The following POLQ variants were observed in gnomAD, a reference collection of about 807,000 sequenced individuals.
The protein encoded by POLQ is DNA polymerase theta, also known as epididymis secretory sperm binding protein.
Under a neutral mutation model 259.2 loss-of-function variants are expected in POLQ, and 233 were observed. The ratio of observed to expected loss-of-function variants is 0.90; its 90% CI spans 0.81 to 1.00. POLQ has a LOEUF of 1.00. Ranked by LOEUF, POLQ falls within the 50% of genes least tolerant of loss-of-function variation. The pLI is 0.00. For missense variants in POLQ, 2,871 were observed against 3,051.6 expected, an observed-to-expected ratio of 0.94 and a Z score of 1.39; for synonymous variants, 1,025 against 1,048.8, an observed-to-expected ratio of 0.98 and a Z score of 0.44.
chr3:121,504,440 G>C (rs990724458), intron 12 of POLQ, among the ~76,000 whole-genome samples: 1 of 152,068 alleles, frequency 6.6e-6, no homozygotes, highest in Non-Finnish European at 1.5e-5. Flanking sequence ...CAAGTGGCTT[G>C]ACTGGTGAAA....
chr3:121,480,471 G>T (rs1318443136), intron 19 of POLQ, among the ~76,000 whole-genome samples: 3 of 151,846 alleles, frequency 2.0e-5, no homozygotes. Context: ...TGTAAAAAAT[G>T]CATTTAATAC....
intron 26 of POLQ, among the ~76,000 whole-genome samples, chr3:121,446,776 T>C (rs1414770247): frequency 6.6e-6 from 1 of 152,234 alleles, no homozygotes; most frequent in African/African-American, 2.4e-5. Flanking sequence ...TCTTGATCTT[T>C]TTTGGTTTCC....
chr3:121,486,179 C>G (rs973957827), intron 16 of POLQ, among the ~76,000 whole-genome samples: 4 of 152,182 alleles, frequency 2.6e-5, no homozygotes, highest in African/African-American at 9.7e-5. Flanking sequence ...CTAATGTACA[C>G]TGTGAAGAAC....
chr3:121,460,072 T>A lies in POLQ; in HGVS notation c.7130A>T (p.Asp2377Val). The A allele has an allele frequency of 1.9e-6, 3 of 1,614,000 alleles. No individual in the cohort carries two copies. The highest frequency in any genetic ancestry group is 1.7e-6 in the Non-Finnish European group (2 of 1,179,868). ...CACCTGTTTTGCCTGCTGCCTCAGA[T>A]CATCCCCAACAGACTCTGGCTCAAT... The part of the protein sequence containing the change: ...KMIEPESVGD[D>V]LRQQAKQICY... Residue 2377 changes from aspartate (D) to valine (V), a missense_variant, in exon 25 of 30, where the codon GAT (aspartate) becomes GTT (valine). Asp to Val is a radical substitution (Grantham distance 152, BLOSUM62 -3). Around this residue, in one of 3 missense-constraint regions of POLQ, gnomAD observed 2,080 missense variants for 2,126.0 expected, o/e 0.98. Transcript: ENST00000264233.
chr3:121,453,702 C>A (rs11715085), intron 25 of POLQ, among the ~76,000 whole-genome samples: 105,027 of 151,920 alleles, frequency 0.69, 36,488 homozygotes, highest in East Asian at 0.89. Context: ...AAAGAAACGA[C>A]CAAAGCCTCC....
At chr3:121,502,027 G>GCT (rs1285829383) in intron 12 of POLQ, among the ~76,000 whole-genome samples, 1 of 147,630 alleles carries the variant, frequency 6.8e-6, no homozygotes, top group Non-Finnish European at 1.5e-5. Context: ...ACTAAAGAAA[G>GCT]CTCTTCAGGT....
chr3:121,512,338 T>C (rs914709984), intron 9 of POLQ, among the ~76,000 whole-genome samples: 3 of 152,202 alleles, frequency 2.0e-5, no homozygotes, highest in Admixed American at 1.3e-4. Context: ...CCCTTTGTGA[T>C]GATGTTTTCC....
At chr3:121,512,478 C>T (rs1006268953) in intron 9 of POLQ, among the ~76,000 whole-genome samples, 2 of 152,122 alleles carry the variant, frequency 1.3e-5, no homozygotes, top group Non-Finnish European at 2.9e-5. Flanking sequence ...ATATATTTAC[C>T]TTCTCACAAT....
At chr3:121,461,026 C>T (rs2047787406) in intron 24 of POLQ, among the ~76,000 whole-genome samples, 1 of 152,002 alleles carries the variant, frequency 6.6e-6, no homozygotes, top group South Asian at 2.1e-4. Context: ...AACAAAAGAA[C>T]CTTAAACATA....
In POLQ at chr3:121,487,293, A is replaced by G; in HGVS notation, c.5629+9T>C. The G allele has an allele frequency of 6.7e-7, 1 of 1,493,484 alleles. No individual in the cohort carries two copies. Among genetic ancestry groups the G allele is most frequent in the Non-Finnish European group, 9.0e-7 (1 of 1,109,512 alleles). The allele number at this position is 1,493,484 out of a possible 1,614,324, so 92.5% of individuals were successfully genotyped here. On this transcript the variant is annotated intron_variant, in intron 16 of 29. Transcript: ENST00000264233. ...AAATATGAAAAAATAAAATTAAAAA[A>G]ATTCTTACCTTGCTTAAACCTACTG...
chr3:121,467,828 C>T (rs1476512585), intron 23 of POLQ, among the ~76,000 whole-genome samples, 188 bp from the exon 24 acceptor site: 1 of 152,164 alleles, frequency 6.6e-6, no homozygotes, highest in Non-Finnish European at 1.5e-5. Context: ...ATTGCTTGAG[C>T]CCAGGAGTTC....
chr3:121,509,603 C>CA lies in POLQ; in HGVS notation c.1916dup (p.Met639IlefsTer9). ...GATCATTCTCTAAAACAAAGCCCTTCATTGCTCTTTGCAGGTCAGCAAAAA... is the reference window on the plus strand; with the variant it reads ...GATCATTCTCTAAAACAAAGCCCTTCAATTGCTCTTTGCAGGTCAGCAAAAA... On this transcript the variant is annotated frameshift_variant, in exon 12 of 30. Transcript: ENST00000264233. LOFTEE classifies it high-confidence loss of function. 2 of 1,613,692 alleles carry CA rather than the reference C, an allele frequency of 1.2e-6. No homozygotes were observed. The highest frequency in any genetic ancestry group is 1.7e-6 in the Non-Finnish European group (2 of 1,179,666).
chr3:121,459,572 G>A (rs1485319536), intron 25 of POLQ, among the ~76,000 whole-genome samples: 1 of 151,898 alleles, frequency 6.6e-6, no homozygotes, highest in African/African-American at 2.4e-5. Context: ...TAGTAGAGAC[G>A]GGGTTTCACT....
chr3:121,545,972 C>T lies in POLQ; in HGVS notation c.-95G>A, dbSNP rs771102846. 1 of 1,458,428 alleles carries T rather than the reference C, an allele frequency of 6.9e-7. No homozygotes were observed. Among genetic ancestry groups the T allele is most frequent in the Non-Finnish European group, 9.4e-7 (1 of 1,060,494 alleles). The allele number at this position is 1,458,428 out of a possible 1,614,324, so 90.3% of individuals were successfully genotyped here. A position where few individuals can be genotyped will look rare whatever the true frequency, so the allele number is the denominator to read the frequency against. ...CTGGCAACAGCTGCGGACATCTTCC[C>T]GCCAGTCTTCAAACTCAAACCTCCC... On this transcript the variant is annotated 5_prime_UTR_variant, in exon 1 of 30. Transcript: ENST00000264233.
intron 14 of POLQ, 64 bp downstream of exon 14, chr3:121,496,744 A>G (rs2048127389): frequency 1.3e-6 from 2 of 1,510,730 alleles, no homozygotes; most frequent in Non-Finnish European, 1.8e-6. Flanking sequence ...TGAAAAAAAA[A>G]GTAATCTTAA....
intron 14 of POLQ, among the ~76,000 whole-genome samples, chr3:121,495,839 ACT>A (rs1312742687): frequency 8.5e-6 from 1 of 118,304 alleles, no homozygotes; most frequent in Non-Finnish European, 1.6e-5. Flanking sequence ...ACAGAGCAAG[ACT>A]CTGTCTCAAA....
intron 10 of POLQ, 57 bp from the exon 11 acceptor site, chr3:121,510,300 G>A (rs1418942972): frequency 1.4e-5 from 19 of 1,314,628 alleles, no homozygotes; most frequent in African/African-American, 1.0e-4. Context: ...GCAAGCCACC[G>A]GGCGCGGTGG....
chr3:121,447,207 G>A (rs2047639327), intron 26 of POLQ, among the ~76,000 whole-genome samples: 1 of 129,628 alleles, frequency 7.7e-6, no homozygotes, highest in Non-Finnish European at 1.6e-5. Flanking sequence ...GTCTCGCCCT[G>A]TCTCCCAGGC....
chr3:121,544,713 A>G lies in POLQ; in HGVS notation c.343+14T>C, dbSNP rs757780906. On this transcript the variant is annotated intron_variant, in intron 2 of 29. Transcript: ENST00000264233. ...ATCTTAAAAATAGTAATTAGTTTAC[A>G]TAAATTTGGATACCTGAATAAACTA... The G allele has an allele frequency of 3.3e-6, 5 of 1,537,310 alleles. No homozygotes were observed. The highest frequency in any genetic ancestry group is 3.6e-6 in the Non-Finnish European group (4 of 1,112,368).
Sources: allele counts gnomAD v4.1 joint callset (sites outside exome capture counted in the v4.1 genomes callset), GRCh38; gene constraint gnomAD v4.1.1; regional missense constraint gnomAD v4.1.1; transcripts MANE v1.5; gene names NCBI Gene and HGNC (gene_info 2026-07-23, HGNC 2026-07-21).